Variants in SFMBT2 observed in about 807,000 individuals in gnomAD.
SFMBT2 encodes Scm like with four mbt domains 2.
Under a neutral mutation model 110.1 loss-of-function variants are expected in SFMBT2, and 38 were observed. That is an observed-to-expected ratio of 0.35 (90% CI 0.27 to 0.45). SFMBT2 has a LOEUF of 0.45. Ranked by LOEUF, SFMBT2 falls within the 20% of genes least tolerant of loss-of-function variation. The pLI, the probability that SFMBT2 is intolerant of heterozygous loss-of-function variation, is 1.00. For missense variants in SFMBT2, 1,011 were observed against 1,094.9 expected (o/e 0.92, Z 1.08); for synonymous variants, 425 against 425.4 (o/e 1.00, Z 0.01).
chr10:7,384,733 G>A (rs1845540670), intron 1 of SFMBT2, among the ~76,000 whole-genome samples: 1 of 152,082 alleles, frequency 6.6e-6, no homozygotes, highest in Non-Finnish European at 1.5e-5. Context: ...TTACCCCTGT[G>A]GGTATCAGTT....
At chr10:7,225,509 A>G (rs546385169) in intron 10 of SFMBT2, among the ~76,000 whole-genome samples, 1 of 152,226 alleles carries the variant, frequency 6.6e-6, no homozygotes, top group South Asian at 2.1e-4. Flanking sequence ...TATCTATTAC[A>G]TAAACGGAGT....
At chr10:7,399,673 C>T (rs1030482116) in intron 1 of SFMBT2, among the ~76,000 whole-genome samples, 1 of 152,208 alleles carries the variant, frequency 6.6e-6, no homozygotes, top group Non-Finnish European at 1.5e-5. Flanking sequence ...GTGCAGGACT[C>T]GGCAGGAGGC....
intron 7 of SFMBT2, among the ~76,000 whole-genome samples, chr10:7,273,869 G>A (rs1303645433): frequency 6.6e-6 from 1 of 152,180 alleles, no homozygotes; most frequent in African/African-American, 2.4e-5. Context: ...AAGACAGTGT[G>A]GCGAGTCCTC....
intron 5 of SFMBT2, 36 bp from the exon 6 acceptor site, chr10:7,284,186 T>C: frequency 6.3e-7 from 1 of 1,593,390 alleles, no homozygotes; most frequent in Non-Finnish European, 8.5e-7. Context: ...TATTTTAAAC[T>C]TTATTTTAAG....
rs555842886 is a variant in SFMBT2, at chr10:7,197,772, G to A, written c.1559-85C>T. The A allele has an allele frequency of 4.1e-5, 63 of 1,519,020 alleles. No individual in the cohort carries two copies. The East Asian group carries it at 1.4e-3, about 33-fold the overall frequency. The allele number at this position is 1,519,020 out of a possible 1,614,324, so 94.1% of individuals were successfully genotyped here. Reference sequence around the variant, plus strand: ...CCTAGACCCTTGCTTCATCCACATGGTCAGGGAAAAGGACCACACAGAGCT... The same window carrying A: ...CCTAGACCCTTGCTTCATCCACATGATCAGGGAAAAGGACCACACAGAGCT... On this transcript the variant is annotated intron_variant, in intron 14 of 20. Transcript: ENST00000397167.
At chr10:7,290,889 CAGA>C (rs2131857953) in intron 4 of SFMBT2, among the ~76,000 whole-genome samples, 1 of 152,268 alleles carries the variant, frequency 6.6e-6, no homozygotes, top group East Asian at 1.9e-4. Context: ...CATATAAAGG[CAGA>C]AGATTAGCAT....
intron 17 of SFMBT2, among the ~76,000 whole-genome samples, chr10:7,174,204 C>T (rs889675515): frequency 5.4e-4 from 82 of 152,188 alleles, no homozygotes. Context: ...CTATAAGGAC[C>T]GTGTTACTCA....
At chr10:7,212,772 C>T (rs146194188) in intron 11 of SFMBT2, among the ~76,000 whole-genome samples, 94 of 152,286 alleles carry the variant, frequency 6.2e-4, no homozygotes, top group African/African-American at 1.8e-3. Flanking sequence ...GGATGGGTTG[C>T]TGAGTGTCAT....
chr10:7,235,652 A>G (rs1840230304), intron 9 of SFMBT2, among the ~76,000 whole-genome samples: 1 of 152,146 alleles, frequency 6.6e-6, no homozygotes, highest in African/African-American at 2.4e-5. Context: ...CTGCACAAAC[A>G]TATCCATCAC....
intron 4 of SFMBT2, among the ~76,000 whole-genome samples, chr10:7,334,870 G>A (rs1178103016): frequency 2.6e-5 from 4 of 152,120 alleles, no homozygotes; most frequent in Admixed American, 2.0e-4. Context: ...AGGACGACAG[G>A]AATAAAACCT....
chr10:7,241,568 GATC>G (rs1840430333), intron 9 of SFMBT2, among the ~76,000 whole-genome samples: 1 of 152,008 alleles, frequency 6.6e-6, no homozygotes, highest in African/African-American at 2.4e-5. Flanking sequence ...GAGAAGAAAT[GATC>G]ATAACTAAAT....
chr10:7,382,832 T>TTGTC lies in SFMBT2; in HGVS notation c.-51-887_-51-884dup, dbSNP rs554352341. 2.3e-3 allele frequency among the ~76,000 whole-genome samples: 347 copies of TTGTC among 152,370 alleles called. 1 individual carries two copies. Among genetic ancestry groups the TTGTC allele is most frequent in the South Asian group, 0.013 (64 of 4,830 alleles). On this transcript the variant is annotated intron_variant, in intron 1 of 20. Coordinates refer to ENST00000397167, the MANE Select transcript of SFMBT2 (RefSeq NM_001387889.1). ...CTACGATAGCACTGCTATTCCCCGC[T>TTGTC]TGTCTTCTAATAAGACTGCTGGAAA...
At chr10:7,260,548 C>T (rs1186565770) in intron 7 of SFMBT2, among the ~76,000 whole-genome samples, 2 of 152,178 alleles carry the variant, frequency 1.3e-5, no homozygotes, top group Non-Finnish European at 2.9e-5. Flanking sequence ...GCAAGGAAAC[C>T]TATTCCAGAA....
At chr10:7,396,325 T>C (rs1183730456) in intron 1 of SFMBT2, among the ~76,000 whole-genome samples, 1 of 152,182 alleles carries the variant, frequency 6.6e-6, no homozygotes, top group Admixed American at 6.5e-5. Flanking sequence ...TGCCGGGTCA[T>C]CCAGGGAGGA....
chr10:7,405,415 C>G (rs1367100532), intron 1 of SFMBT2, among the ~76,000 whole-genome samples: 1 of 152,220 alleles, frequency 6.6e-6, no homozygotes, highest in Non-Finnish European at 1.5e-5. Flanking sequence ...TATGTATAAG[C>G]CTCCATCTTC....
At chr10:7,272,973 T>A (rs2131814199) in intron 7 of SFMBT2, among the ~76,000 whole-genome samples, 1 of 152,328 alleles carries the variant, frequency 6.6e-6, no homozygotes, top group East Asian at 1.9e-4. Context: ...TTTTGTATTT[T>A]TAGTAGAGAC....
chr10:7,169,949 T>G (rs1360744469), intron 20 of SFMBT2, among the ~76,000 whole-genome samples: 1 of 152,160 alleles, frequency 6.6e-6, no homozygotes, highest in East Asian at 1.9e-4. Flanking sequence ...TAAAAATATT[T>G]TATGCAGAAA....
At chr10:7,376,559 C>A (rs574568895) in intron 2 of SFMBT2, among the ~76,000 whole-genome samples, 3 of 150,778 alleles carry the variant, frequency 2.0e-5, no homozygotes, top group African/African-American at 7.3e-5. Context: ...ATTAGCCAGG[C>A]GTGGTGGTGG....
chr10:7,302,852 A>G (rs1842589913), intron 4 of SFMBT2, among the ~76,000 whole-genome samples: 1 of 152,018 alleles, frequency 6.6e-6, no homozygotes, highest in Non-Finnish European at 1.5e-5. Flanking sequence ...TGACTCCCTC[A>G]CTCTCTCTCT....
Sources: gnomAD v4.1 joint callset for allele counts (sites outside exome capture counted in the v4.1 genomes callset) on GRCh38, gnomAD v4.1.1 for gene constraint, MANE v1.5 for transcripts, NCBI Gene and HGNC (gene_info 2026-07-23, HGNC 2026-07-21) for gene names.